PSD3: variants seen among roughly 807,000 people sequenced by gnomAD.
The protein encoded by PSD3 is PH and SEC7 domain-containing protein 3.
A neutral mutation model predicts 105.5 loss-of-function variants in PSD3; 49 were observed. The observed-to-expected ratio is 0.46, with a 90% CI of 0.37 to 0.59. The LOEUF (loss-of-function observed/expected upper bound fraction) is 0.59, where lower values mean the gene tolerates loss of function less well. PSD3 is among the 20% of genes least tolerant of loss of function. The probability of loss-of-function intolerance (pLI) is 0.00; values close to 1 mark genes in which losing one functional copy is unlikely to be tolerated. For synonymous variants in PSD3, 557 were observed against 457.8 expected (o/e 1.22, Z -2.77); for missense variants, 1,561 against 1,263.8 (o/e 1.24, Z -3.57).
At position 18,539,545 on chromosome 8, in the gene PSD3, T is replaced by C. The variant is rs374660666; in HGVS notation, c.2929-3587A>G. On this transcript the variant is annotated intron_variant, in intron 15 of 15. Coordinates refer to ENST00000327040, the MANE Select transcript of PSD3 (RefSeq NM_015310.4). ...AGCAGCAAGAAGTATATTAGTAAAT[T>C]ACTTTTTTTTTTTTTTTTTTTGAGA... is the stretch of plus-strand genomic sequence containing the variant. 4.0e-5 allele frequency among the ~76,000 whole-genome samples: 6 copies of C among 149,730 alleles called. No individual in the cohort carries two copies. In the East Asian group the frequency reaches 7.9e-4, roughly 20 times the overall value.
intron 2 of PSD3, among the ~76,000 whole-genome samples, chr8:18,931,626 C>CCA (rs1238518248): frequency 6.6e-6 from 1 of 152,176 alleles, no homozygotes; most frequent in Non-Finnish European, 1.5e-5. Context: ...TATGGCTTCC[C>CCA]CACTAGTGCC....
At chr8:18,751,358 T>C (rs1487621853) in intron 9 of PSD3, among the ~76,000 whole-genome samples, 9 of 152,160 alleles carry the variant, frequency 5.9e-5, no homozygotes, top group Non-Finnish European at 1.3e-4. Flanking sequence ...TTTTGCCACA[T>C]AATATTTTGC....
At chr8:18,641,785 A>C (rs1021678416) in intron 10 of PSD3, among the ~76,000 whole-genome samples, 14 of 152,234 alleles carry the variant, frequency 9.2e-5, no homozygotes, top group Non-Finnish European at 2.9e-5. Flanking sequence ...GATTGCAGGA[A>C]AATAAAGCGA....
chr8:18,818,691 C>T (rs1378935503), intron 4 of PSD3, among the ~76,000 whole-genome samples: 2 of 151,376 alleles, frequency 1.3e-5, no homozygotes, highest in African/African-American at 4.9e-5. Context: ...ATACCCCCCC[C>T]AACAACCAGC....
chr8:18,969,659 T>C (rs967918874), intron 1 of PSD3, among the ~76,000 whole-genome samples: 2 of 152,228 alleles, frequency 1.3e-5, no homozygotes, highest in African/African-American at 4.8e-5. Context: ...GTATTCAAAT[T>C]ACTATATGGG....
chr8:18,755,074 T>C (rs888145841), intron 9 of PSD3, among the ~76,000 whole-genome samples: 1 of 152,094 alleles, frequency 6.6e-6, no homozygotes, highest in African/African-American at 2.4e-5. Flanking sequence ...TTCATATCAA[T>C]AATACATGCT....
At chr8:18,690,352 A>C (rs747871807) in intron 9 of PSD3, among the ~76,000 whole-genome samples, 9 of 152,206 alleles carry the variant, frequency 5.9e-5, no homozygotes, top group Non-Finnish European at 8.8e-5. Context: ...TTTTGCAGAG[A>C]ACGATAGCTA....
intron 11 of PSD3, among the ~76,000 whole-genome samples, chr8:18,620,343 T>TTTTTTG (rs1806018478): frequency 1.3e-5 from 1 of 75,396 alleles, no homozygotes; most frequent in Non-Finnish European, 2.5e-5. Flanking sequence ...TGGGTTTGTG[T>TTTTTTG]TTTTTTTTTT....
intron 12 of PSD3, among the ~76,000 whole-genome samples, chr8:18,580,038 A>C (rs1020331190): frequency 2.4e-4 from 36 of 152,256 alleles, no homozygotes; most frequent in African/African-American, 8.4e-4. Context: ...CATGGTTTTG[A>C]AACTGGCATT....
intron 4 of PSD3, among the ~76,000 whole-genome samples, chr8:18,867,058 G>A (rs1816997379): frequency 6.6e-6 from 1 of 152,096 alleles, no homozygotes. Flanking sequence ...TACATAATTT[G>A]TCATTTTATC....
At chr8:19,024,896 A>ACGT (rs777200872) in intron 1 of PSD3, among the ~76,000 whole-genome samples, 161 of 152,244 alleles carry the variant, frequency 1.1e-3, no homozygotes, top group Non-Finnish European at 1.8e-3. Flanking sequence ...TGTAGCTTTT[A>ACGT]TAATAAACCA....
chr8:18,682,543 C>G (rs1800446849), intron 9 of PSD3, among the ~76,000 whole-genome samples: 2 of 152,022 alleles, frequency 1.3e-5, no homozygotes, highest in Admixed American at 1.3e-4. Flanking sequence ...AAAGATAAAG[C>G]TTTTTAAAAA....
intron 11 of PSD3, among the ~76,000 whole-genome samples, chr8:18,631,928 G>C (rs1806929517): frequency 6.6e-6 from 1 of 151,978 alleles, no homozygotes. Flanking sequence ...CTCTGTTCAA[G>C]TATATCAAAT....
At chr8:18,933,062 T>G (rs1676652981) in intron 2 of PSD3, among the ~76,000 whole-genome samples, 1 of 152,228 alleles carries the variant, frequency 6.6e-6, no homozygotes, top group Non-Finnish European at 1.5e-5. Flanking sequence ...ACCTTCAATG[T>G]GCCCAACGCA....
chr8:18,713,728 G>A (rs1802398739), intron 9 of PSD3, among the ~76,000 whole-genome samples: 1 of 152,188 alleles, frequency 6.6e-6, no homozygotes. Flanking sequence ...TACATTCAAT[G>A]TTATTCCAAT....
intron 1 of PSD3, among the ~76,000 whole-genome samples, chr8:18,948,761 T>C (rs974621197): frequency 6.6e-6 from 1 of 152,118 alleles, no homozygotes; most frequent in Non-Finnish European, 1.5e-5. Context: ...TCCAATAACT[T>C]CTGAAACAAA....
At position 18,867,562 on chromosome 8, in the gene PSD3, T is replaced by C. The variant is rs1009482; in HGVS notation, c.1634+112A>G. 142,231 of 1,334,860 alleles carry C rather than the reference T, an allele frequency of 0.11. 8,800 individuals are homozygous for C. Among genetic ancestry groups the C allele is most frequent in the Admixed American group, 0.27 (10,102 of 37,996 alleles). The allele number at this position is 1,334,860 out of a possible 1,614,324, so 82.7% of individuals were successfully genotyped here. On this transcript the variant is annotated intron_variant, in intron 4 of 15. Transcript: ENST00000327040. ...ACTTTTTACTCACATCATTTGCTTA[T>C]GTCCACAGAAATTGGCCAAATGATT...
intron 9 of PSD3, among the ~76,000 whole-genome samples, chr8:18,678,755 T>C (rs1370266486): frequency 3.3e-5 from 5 of 151,920 alleles, no homozygotes; most frequent in Non-Finnish European, 5.9e-5. Flanking sequence ...GAGGTTGCGG[T>C]GAGCCGAGAT....
intron 1 of PSD3, among the ~76,000 whole-genome samples, chr8:18,999,028 C>T (rs978540833): frequency 4.6e-5 from 7 of 152,030 alleles, no homozygotes; most frequent in Admixed American, 3.9e-4. Flanking sequence ...ATAATCTCAG[C>T]AAACATTTTA....
Sources: gnomAD v4.1 joint callset for allele counts (sites outside exome capture counted in the v4.1 genomes callset) on GRCh38, gnomAD v4.1.1 for gene constraint, MANE v1.5 for transcripts, NCBI Gene and HGNC (gene_info 2026-07-23, HGNC 2026-07-21) for gene names.